The following KHDRBS1 variants were observed in gnomAD, a reference collection of about 807,000 sequenced individuals.
The protein encoded by KHDRBS1 is KH domain-containing, RNA-binding, signal transduction-associated protein 1.
Under a neutral mutation model 48.4 loss-of-function variants are expected in KHDRBS1, and 7 were observed. The ratio of observed to expected loss-of-function variants is 0.14; its 90% confidence interval spans 0.08 to 0.27. The LOEUF is 0.27. Among genes scored for constraint, KHDRBS1 ranks in the 10% least tolerant of loss-of-function variants. The pLI, the probability that KHDRBS1 is intolerant of heterozygous loss-of-function variation, is 1.00. For synonymous variants in KHDRBS1, 241 were observed against 235.8 expected, an observed-to-expected ratio of 1.02 and a Z score of -0.20; for missense variants, 458 against 601.2, an observed-to-expected ratio of 0.76 and a Z score of 2.49.
intron 10 of KHDRBS1, among the ~76,000 whole-genome samples, chr1:32,051,908 T>C (rs540015012): frequency 2.0e-5 from 3 of 152,372 alleles, no homozygotes; most frequent in South Asian, 4.1e-4. Flanking sequence ...CTTCTTGATA[T>C]GTTCCTGTAC....
intron 1 of KHDRBS1, among the ~76,000 whole-genome samples, chr1:32,029,891 A>G (rs1639048619): frequency 6.6e-6 from 1 of 152,220 alleles, no homozygotes; most frequent in Admixed American, 6.5e-5. Flanking sequence ...TGGAACTTTA[A>G]TGGAACTATC....
At chr1:32,055,774 T>C (rs1639473610) in intron 10 of KHDRBS1, among the ~76,000 whole-genome samples, 1 of 152,074 alleles carries the variant, frequency 6.6e-6, no homozygotes, top group African/African-American at 2.4e-5. Flanking sequence ...TGATTGCTGC[T>C]CTCGGCTCCT....
Position 32,039,546 on chromosome 1 carries a change from G to A in KHDRBS1, c.1207G>A (p.Glu403Lys), listed in dbSNP as rs41263985. 1.3e-6 allele frequency: 2 copies of A among 1,535,684 alleles called. No individual in the cohort carries two copies. Among genetic ancestry groups the A allele is most frequent in the Non-Finnish European group, 1.8e-6 (2 of 1,108,456 alleles). ...DSEYYDYGHGEVQDSYEAYGQ... is the reference protein window; with the variant it reads ...DSEYYDYGHGKVQDSYEAYGQ... ...AGAATATTATGACTATGGACATGGG[G>A]AGGTTCAAGATTCTTATGAAGCTTA... Residue 403 changes from glutamate (E) to lysine (K), a missense_variant, in exon 8 of 9, where the codon GAG (glutamate) becomes AAG (lysine). Physicochemically the swap from Glu to Lys is moderately conservative, Grantham distance 56 (BLOSUM62 1). Transcript: ENST00000327300.
chr1:32,046,040 A>G (rs1413302070), downstream of KHDRBS1, among the ~76,000 whole-genome samples: 1 of 152,200 alleles, frequency 6.6e-6, no homozygotes, highest in African/African-American at 2.4e-5. Flanking sequence ...CATATTTTAC[A>G]GAAGTAACTT....
At chr1:32,047,629 G>A (rs188191205), downstream of KHDRBS1, among the ~76,000 whole-genome samples, 7 of 152,234 alleles carry the variant, frequency 4.6e-5, no homozygotes, top group Admixed American at 2.0e-4. Context: ...ATTTATCACT[G>A]TATGCATCAT....
At chr1:32,018,868 C>T (rs951314832) in intron 1 of KHDRBS1, among the ~76,000 whole-genome samples, 7 of 152,138 alleles carry the variant, frequency 4.6e-5, no homozygotes, top group Admixed American at 6.6e-5. Flanking sequence ...GTCAGAAGTT[C>T]GAGACCAGTC....
rs1163066227 is a variant in KHDRBS1 at position 32,059,165 on chromosome 1, G to GAAA, written n.1302-981_1302-979dup. Reference sequence around the variant, plus strand: ...GACAGAGCGAGACTCTGTCTCAGGAGAAAAAAAAAAAAAAAAAAACAAAAC... The same window carrying GAAA: ...GACAGAGCGAGACTCTGTCTCAGGAGAAAAAAAAAAAAAAAAAAAAAACAAAAC... On this transcript the variant is annotated intron_variant and non_coding_transcript_variant, in intron 10 of 10. Transcript: ENST00000484270. Among the ~76,000 whole-genome samples, 187 of 45,502 alleles carry GAAA rather than the reference G, an allele frequency of 4.1e-3. 2 individuals carry two copies. Among genetic ancestry groups the GAAA allele is most frequent in the African/African-American group, 7.0e-3 (94 of 13,448 alleles). The allele number at this position is 45,502 out of a possible 152,430, so 29.9% of individuals were successfully genotyped here.
rs575301069 is a variant in KHDRBS1 at position 32,030,223 on chromosome 1, A to G, written c.383-75A>G. On this transcript the variant is annotated intron_variant, in intron 1 of 8. Coordinates refer to ENST00000327300, the MANE Select transcript of KHDRBS1 (RefSeq NM_006559.3). ...ATTTGGTTTCACTATATGGTATTCC[A>G]TGTTATTGCTTTAAGCAGACTTCAA... is the stretch of plus-strand genomic sequence containing the variant. 3.2e-4 allele frequency: 400 copies of G among 1,259,136 alleles called. 3 individuals carry two copies. The South Asian group carries it at 5.1e-3, about 16-fold the overall frequency. 78.0% of individuals were successfully genotyped at this position (1,259,136 alleles called of 1,614,324 possible).
downstream of KHDRBS1, among the ~76,000 whole-genome samples, chr1:32,046,888 G>A (rs1001366427): frequency 1.3e-5 from 2 of 152,190 alleles, no homozygotes; most frequent in African/African-American, 2.4e-5. Context: ...CAAGTCCTAC[G>A]TTTGATGTTG....
At chr1:32,055,742 G>A (rs1401438190) in intron 10 of KHDRBS1, among the ~76,000 whole-genome samples, 2 of 152,088 alleles carry the variant, frequency 1.3e-5, no homozygotes, top group Admixed American at 6.6e-5. Flanking sequence ...TGGGGGCACT[G>A]CACCCTAGTC....
chr1:32,036,904 T>A lies in KHDRBS1; in HGVS notation c.772-6T>A. On this transcript the variant is annotated splice_polypyrimidine_tract_variant and splice_region_variant and intron_variant, in intron 4 of 8. Transcript: ENST00000327300. ...ACACAATACTCCTTGTATCTTTCGT[T>A]CCCAGGATATGATGGATGATATCTG... The A allele has an allele frequency of 1.2e-6, 2 of 1,611,754 alleles. No homozygotes were observed. The highest frequency in any genetic ancestry group is 1.7e-6 in the Non-Finnish European group (2 of 1,178,764).
intron 1 of KHDRBS1, among the ~76,000 whole-genome samples, chr1:32,026,862 T>G (rs1162613450): frequency 6.6e-6 from 1 of 152,224 alleles, no homozygotes; most frequent in African/African-American, 2.4e-5. Flanking sequence ...TGGCGCAATC[T>G]GAGCTCACTG....
At chr1:32,027,613 A>T (rs1639001333) in intron 1 of KHDRBS1, among the ~76,000 whole-genome samples, 1 of 152,212 alleles carries the variant, frequency 6.6e-6, no homozygotes, top group South Asian at 2.1e-4. Context: ...TTAATTAAGG[A>T]TATTTACAAT....
chr1:32,024,252 CA>C (rs905613921), intron 1 of KHDRBS1, among the ~76,000 whole-genome samples: 37 of 139,638 alleles, frequency 2.6e-4, no homozygotes, highest in East Asian at 4.1e-4. Context: ...GACTTCGTTT[CA>C]AAAAAAAAAA....
intron 1 of KHDRBS1, among the ~76,000 whole-genome samples, chr1:32,023,627 C>G (rs1210300411): frequency 6.6e-6 from 1 of 152,158 alleles, no homozygotes; most frequent in Non-Finnish European, 1.5e-5. Context: ...AAAGGGTTGT[C>G]TAGAAAGTAC....
chr1:32,053,970 G>A (rs1257725592), intron 10 of KHDRBS1, among the ~76,000 whole-genome samples: 1 of 152,096 alleles, frequency 6.6e-6, no homozygotes, highest in Non-Finnish European at 1.5e-5. Flanking sequence ...TGTAATCCTG[G>A]CTACTCGGGA....
chr1:32,022,472 G>A lies in KHDRBS1; in HGVS notation c.383-7826G>A, dbSNP rs1250648138. On this transcript the variant is annotated intron_variant, in intron 1 of 8. Transcript: ENST00000327300. ...TAGAACCAAGTATAGTGGGAGTCTA[G>A]AGGAGGGTATGAAATGAACCCTGAC... 2.6e-5 allele frequency among the ~76,000 whole-genome samples: 4 copies of A among 152,148 alleles called. No individual in the cohort carries two copies. In the East Asian group the frequency reaches 7.7e-4, roughly 29 times the overall value.
intron 4 of KHDRBS1, among the ~76,000 whole-genome samples, chr1:32,035,487 A>G (rs1639161242): frequency 6.6e-6 from 1 of 152,230 alleles, no homozygotes; most frequent in African/African-American, 2.4e-5. Flanking sequence ...GAAGTGTGAA[A>G]AGATTTGCCA....
At chr1:32,042,326 T>C (rs1454239418) in intron 8 of KHDRBS1, among the ~76,000 whole-genome samples, 2 of 152,212 alleles carry the variant, frequency 1.3e-5, no homozygotes, top group African/African-American at 2.4e-5. Context: ...TGTTCCCTTC[T>C]GTCCTTCCAC....
Sources: gnomAD v4.1 joint callset for allele counts (sites outside exome capture counted in the v4.1 genomes callset) on GRCh38, gnomAD v4.1.1 for gene constraint, MANE v1.5 for transcripts, NCBI Gene and HGNC (gene_info 2026-07-23, HGNC 2026-07-21) for gene names.